EPB41L1: variants seen among roughly 807,000 people sequenced by gnomAD.
The protein encoded by EPB41L1 is band 4.1-like protein 1.
EPB41L1 carries 29 observed loss-of-function variants against 97.8 expected under a neutral mutation model. The ratio of observed to expected loss-of-function variants is 0.30; its 90% confidence interval spans 0.22 to 0.40. The LOEUF (loss-of-function observed/expected upper bound fraction) is 0.40. Ranked by LOEUF, EPB41L1 falls within the 10% of genes least tolerant of loss-of-function variation. EPB41L1 has a pLI of 1.00. For missense variants in EPB41L1, 812 were observed against 1,162.3 expected, an observed-to-expected ratio of 0.70 and a Z score of 4.38; for synonymous variants, 383 against 459.2, an observed-to-expected ratio of 0.83 and a Z score of 2.12.
chr20:36,141,846 G>A (rs1029204450), intron 2 of EPB41L1, among the ~76,000 whole-genome samples: 11 of 152,160 alleles, frequency 7.2e-5, no homozygotes, highest in African/African-American at 2.6e-4. Context: ...GGTGGCTCAC[G>A]CCTATAATCC....
At chr20:36,123,222 C>G (rs1397307418) in intron 2 of EPB41L1, among the ~76,000 whole-genome samples, 1 of 152,020 alleles carries the variant, frequency 6.6e-6, no homozygotes, top group Admixed American at 6.6e-5. Flanking sequence ...GAAAGGCCCT[C>G]GCACTTGCTG....
chr20:36,103,879 G>T (rs1397721692), intron 1 of EPB41L1, among the ~76,000 whole-genome samples: 3 of 151,602 alleles, frequency 2.0e-5, no homozygotes, highest in Non-Finnish European at 4.4e-5. Context: ...ATTATTTTTG[G>T]ATTTTTAGTA....
intron 14 of EPB41L1, among the ~76,000 whole-genome samples, chr20:36,204,240 G>A (rs1405298273): frequency 6.6e-6 from 1 of 152,134 alleles, no homozygotes; most frequent in Non-Finnish European, 1.5e-5. Context: ...AGGGCATTAA[G>A]GCCGCCCACA....
At chr20:36,151,219 T>C (rs928635183), upstream of EPB41L1, 2 of 152,334 alleles carry the variant, frequency 1.3e-5, no homozygotes, top group African/African-American at 4.8e-5. Context: ...CCTGGACTTT[T>C]GCACCATTAA....
intron 8 of EPB41L1, among the ~76,000 whole-genome samples, chr20:36,188,101 C>T (rs138333727): frequency 1.4e-4 from 21 of 152,170 alleles, no homozygotes; most frequent in African/African-American, 4.1e-4. Context: ...GATGAATGAA[C>T]GATTGAGTGA....
intron 1 of EPB41L1, among the ~76,000 whole-genome samples, chr20:36,102,437 G>A (rs986711966): frequency 2.0e-5 from 3 of 152,180 alleles, no homozygotes; most frequent in Non-Finnish European, 2.9e-5. Flanking sequence ...TGGGTGGAGA[G>A]GGCTGGTCTC....
intron 15 of EPB41L1, among the ~76,000 whole-genome samples, chr20:36,211,961 T>C (rs1386383541): frequency 6.6e-6 from 1 of 152,140 alleles, no homozygotes; most frequent in Non-Finnish European, 1.5e-5. Context: ...GGGCCTGTCA[T>C]AGAGTATGTT....
rs1009691331 is a variant in EPB41L1 at position 36,103,222 on chromosome 20, C to T, written c.-64-9204C>T. Among the ~76,000 whole-genome samples, 6 of 152,206 alleles carry T rather than the reference C, an allele frequency of 3.9e-5. No individual in the cohort carries two copies. In the East Asian group the frequency reaches 7.7e-4, roughly 19 times the overall value. On this transcript the variant is annotated intron_variant, in intron 1 of 19. Coordinates refer to the EPB41L1 transcript ENST00000202028. ...GGTGGCTTTCACCGGGTTGTGAGCA[C>T]TGGGATGCCTTATGTCTTATTCTTT...
In EPB41L1 at chr20:36,190,594, C is replaced by T. The variant is rs761920368; in HGVS notation, c.1125-28C>T. On this transcript the variant is annotated intron_variant, in intron 10 of 21. Coordinates refer to ENST00000338074, the MANE Select transcript of EPB41L1 (RefSeq NM_012156.2). The surrounding 1 kb of genome is among the most constrained non-coding windows in gnomAD (Gnocchi z 5.8). ...GCCTGGCAGTGCAGGTCTGATTCCT[C>T]CTCCTCCCCTGCATCCCTCTGCTGC... The T allele has an allele frequency of 6.2e-6, 10 of 1,613,454 alleles. No homozygotes were observed. The highest frequency in any genetic ancestry group is 5.3e-5 in the African/African-American group (4 of 74,914).
At chr20:36,123,518 G>A (rs755331313) in intron 2 of EPB41L1, among the ~76,000 whole-genome samples, 2 of 152,274 alleles carry the variant, frequency 1.3e-5, no homozygotes, top group Middle Eastern at 3.4e-3. Flanking sequence ...TTGGCTCGCT[G>A]CAACCTCCGC....
upstream of EPB41L1, among the ~76,000 whole-genome samples, chr20:36,154,182 G>A (rs2060171883): frequency 6.6e-6 from 1 of 152,134 alleles, no homozygotes. This position sits in a 1 kb window ranked among gnomAD's most constrained non-coding sequence, Gnocchi z 5.5. Flanking sequence ...GGAGGACGCC[G>A]AGTCCTAGGC....
At position 36,229,425 on chromosome 20, in the gene EPB41L1, G is replaced by A. The variant is rs569913056; in HGVS notation, c.*85G>A. The A allele has an allele frequency of 2.7e-5, 37 of 1,394,784 alleles. No homozygotes were observed. The highest frequency in any genetic ancestry group is 4.3e-5 in the African/African-American group (3 of 70,480). The allele number at this position is 1,394,784 out of a possible 1,614,324, so 86.4% of individuals were successfully genotyped here. On this transcript the variant is annotated 3_prime_UTR_variant, in exon 22 of 22. Transcript: ENST00000338074. ...GGGCCTTCATTCTGGATTCTCCGAC[G>A]CAACACTGACGTCCCAGCTGCGACG...
chr20:36,149,606 T>C lies in EPB41L1; in HGVS notation c.-9-25945T>C, dbSNP rs1232459556. On this transcript the variant is annotated intron_variant, in intron 2 of 19. Transcript: ENST00000202028. Reference sequence around the variant, plus strand: ...CAGACACAGCTGCCCTGTGGTGCCCTCTGCAGAGTGCCAACCTCAGTGAAA... The same window carrying C: ...CAGACACAGCTGCCCTGTGGTGCCCCCTGCAGAGTGCCAACCTCAGTGAAA... Among the ~76,000 whole-genome samples, 3 of 152,216 alleles carry C rather than the reference T, an allele frequency of 2.0e-5. No homozygotes were observed. The East Asian group carries it at 5.8e-4, about 29-fold the overall frequency.
intron 1 of EPB41L1, among the ~76,000 whole-genome samples, chr20:36,106,448 C>T (rs929908232): frequency 2.6e-5 from 4 of 152,152 alleles, no homozygotes; most frequent in Admixed American, 6.5e-5. Context: ...GGTGACTTTG[C>T]GCAGGTGACT....
In EPB41L1 at chr20:36,231,843, T is replaced by A. The variant is rs1055112522; in HGVS notation, c.*2503T>A. 2 of 152,754 alleles carry A rather than the reference T, an allele frequency of 1.3e-5. No homozygotes were observed. Among genetic ancestry groups the A allele is most frequent in the Admixed American group, 6.5e-5 (1 of 15,284 alleles). 9.5% of individuals were successfully genotyped at this position (152,754 alleles called of 1,614,324 possible). On this transcript the variant is annotated 3_prime_UTR_variant, in exon 22 of 22. Transcript: ENST00000338074. ...ACCTTCTTCCTGCCCTTCTTGAGAGTTCCCCCTCTTTCTGGGTCAAGAGCT... is the reference window on the plus strand; with the variant it reads ...ACCTTCTTCCTGCCCTTCTTGAGAGATCCCCCTCTTTCTGGGTCAAGAGCT...
At chr20:36,180,491 G>A (rs986605345) in intron 5 of EPB41L1, among the ~76,000 whole-genome samples, 20 of 152,180 alleles carry the variant, frequency 1.3e-4, no homozygotes, top group African/African-American at 4.3e-4. Flanking sequence ...ACATATGTAT[G>A]GACAGCACCA....
At chr20:36,165,431 G>T (rs964414265) in intron 1 of EPB41L1, among the ~76,000 whole-genome samples, 4 of 150,076 alleles carry the variant, frequency 2.7e-5, no homozygotes, top group African/African-American at 7.3e-5. Context: ...GGGTGTGGTG[G>T]CTCACGCCTG....
At chr20:36,094,321 C>T (rs770915725) in intron 1 of EPB41L1, among the ~76,000 whole-genome samples, 1 of 152,106 alleles carries the variant, frequency 6.6e-6, no homozygotes, top group African/African-American at 2.4e-5. Context: ...CATTCTGTAC[C>T]GGGCCACGCC....
At position 36,194,367 on chromosome 20, in the gene EPB41L1, G is replaced by A. The variant is rs758539090; in HGVS notation, c.1449+7G>A. The A allele has an allele frequency of 1.2e-6, 2 of 1,602,560 alleles. No individual in the cohort carries two copies. Among genetic ancestry groups the A allele is most frequent in the African/African-American group, 1.3e-5 (1 of 74,824 alleles). On this transcript the variant is annotated splice_region_variant and intron_variant, in intron 12 of 21. Transcript: ENST00000338074. ...CAAGATCAAGGAGCTAAAGGTAGGA[G>A]CCTGGCTTTCTCATACTCTCTGCCC...
Sources: gnomAD v4.1 joint callset for allele counts (sites outside exome capture counted in the v4.1 genomes callset) on GRCh38, gnomAD v4.1.1 for gene constraint, Gnocchi (gnomAD v3.1) non-coding constraint, MANE v1.5 for transcripts, NCBI Gene and HGNC (gene_info 2026-07-23, HGNC 2026-07-21) for gene names.